The following ZNF655 variants were observed in gnomAD, a reference collection of about 807,000 sequenced individuals.
ZNF655 encodes zinc finger protein 655, also known as Vav-interacting Kruppel-like protein 1.
A neutral mutation model predicts 6.6 loss-of-function variants in ZNF655; 3 were observed. That is an observed-to-expected ratio of 0.46 (90% confidence interval 0.21 to 1.18). ZNF655 has a LOEUF of 1.18. ZNF655 is among the 50% of genes most tolerant of loss of function. The probability of loss-of-function intolerance (pLI) is 0.24; values close to 1 mark genes in which losing one functional copy is unlikely to be tolerated. For synonymous variants in ZNF655, 178 were observed against 195.0 expected (o/e 0.91, Z 0.73); for missense variants, 526 against 572.3 (o/e 0.92, Z 0.83).
At chr7:99,562,377 A>G (rs1803260434) in intron 2 of ZNF655, 8 of 1,614,120 alleles carry the variant, frequency 5.0e-6, no homozygotes, top group Non-Finnish European at 6.8e-6. Context: ...GGAGTTTGTG[A>G]CATTCGAGGA....
chr7:99,568,674 T>G (rs1696627650), intron 2 of ZNF655, among the ~76,000 whole-genome samples: 1 of 152,132 alleles, frequency 6.6e-6, no homozygotes, highest in Admixed American at 6.6e-5. Context: ...CCCAAGCAGG[T>G]CTCAAATTCC....
chr7:99,561,292 C>G (rs1352444648), intron 2 of ZNF655, among the ~76,000 whole-genome samples: 1 of 152,210 alleles, frequency 6.6e-6, no homozygotes, highest in African/African-American at 2.4e-5. Context: ...TTTATAAGAG[C>G]TGTGTCTTAG....
intron 2 of ZNF655, among the ~76,000 whole-genome samples, chr7:99,561,389 G>A (rs1038384464): frequency 1.3e-5 from 2 of 152,164 alleles, no homozygotes; most frequent in Non-Finnish European, 2.9e-5. Flanking sequence ...TGCTGTGGGG[G>A]ATTGTGGGAC....
Position 99,573,389 on chromosome 7 carries a change from C to A in ZNF655, c.1281C>A (p.His427Gln). The A allele has an allele frequency of 6.2e-7, 1 of 1,614,088 alleles. No homozygotes were observed. Among genetic ancestry groups the A allele is most frequent in the Non-Finnish European group, 8.5e-7 (1 of 1,180,004 alleles). The change falls in exon 3 of 3, where the codon CAC (histidine) becomes CAA (glutamine). Residue 427 changes from histidine to glutamine, a missense_variant. Coordinates refer to ENST00000252713, the MANE Select transcript of ZNF655 (RefSeq NM_138494.3). ...FSQTSCLIQH[H>Q]KMHRKEKSYE... ...AAACCTCATGCCTTATTCAGCATCA[C>A]AAAATGCATAGGAAAGAGAAATCGT...
At chr7:99,562,325 C>A (rs1475948234) in intron 2 of ZNF655, 2 of 1,610,368 alleles carry the variant, frequency 1.2e-6, no homozygotes, top group East Asian at 4.5e-5. Flanking sequence ...CATGGTGCTA[C>A]AGTGTTCTCA....
At position 99,560,623 on chromosome 7, in the gene ZNF655, A is replaced by T. The variant is rs753860954; in HGVS notation, c.64A>T (p.Thr22Ser). Reference protein sequence around the residue: ...SPRVQFQSLETQSECLSPEPQ... With the variant: ...SPRVQFQSLESQSECLSPEPQ... Reference sequence around the variant, plus strand: ...AAGGGTCCAGTTTCAGTCTTTGGAGACCCAGTCTGAGTGTCTGTCCCCAGA... The same window carrying T: ...AAGGGTCCAGTTTCAGTCTTTGGAGTCCCAGTCTGAGTGTCTGTCCCCAGA... Residue 22 changes from threonine (T) to serine (S), a missense_variant, in exon 2 of 3, where the codon ACC (threonine) becomes TCC (serine). Transcript: ENST00000252713. 3 of 1,614,050 alleles carry T rather than the reference A, an allele frequency of 1.9e-6. No individual in the cohort carries two copies. The highest frequency in any genetic ancestry group is 2.5e-6 in the Non-Finnish European group (3 of 1,180,014).
Position 99,574,440 on chromosome 7 carries a change from G to A in ZNF655, c.*856G>A, listed in dbSNP as rs968169265. 1 of 152,042 alleles carries A rather than the reference G, an allele frequency of 6.6e-6. No homozygotes were observed. The highest frequency in any genetic ancestry group is 1.5e-5 in the Non-Finnish European group (1 of 67,994). 9.4% of individuals were successfully genotyped at this position (152,042 alleles called of 1,614,324 possible). On this transcript the variant is annotated 3_prime_UTR_variant, in exon 3 of 3. Coordinates refer to ENST00000252713, the MANE Select transcript of ZNF655 (RefSeq NM_138494.3). ...TTAAAAAGAACAGAGATGGGGTCTT[G>A]CTTTGTTGCCCAGGCTGGTCTTGAA...
At chr7:99,564,184 C>G in intron 2 of ZNF655, 1 of 1,414,486 alleles carries the variant, frequency 7.1e-7, no homozygotes, top group Non-Finnish European at 9.2e-7. Context: ...TCTGTTGCAA[C>G]CAGATATGTT....
chr7:99,563,234 G>A (rs891154554), intron 2 of ZNF655: 7 of 442,408 alleles, frequency 1.6e-5, no homozygotes, highest in Non-Finnish European at 2.7e-5. Context: ...CTGCTGGGAA[G>A]CATCAGTGGG....
At chr7:99,560,795 A>G (rs1437128462) in intron 2 of ZNF655, 100 bp downstream of exon 2, 1 of 1,465,788 alleles carries the variant, frequency 6.8e-7, no homozygotes, top group Non-Finnish European at 9.3e-7. Context: ...GAACTGGAAT[A>G]AGAACATGGT....
At position 99,573,443 on chromosome 7, in the gene ZNF655, C is replaced by T. The variant is rs372713595; in HGVS notation, c.1335C>T (p.Phe445=). 3.1e-6 allele frequency: 5 copies of T among 1,613,950 alleles called. No homozygotes were observed. Among genetic ancestry groups the T allele is most frequent in the Non-Finnish European group, 4.2e-6 (5 of 1,180,022 alleles). ...SYECNEYEGS[F]SHSSDLILQQ... ...AATGTAATGAGTATGAGGGCAGTTTCAGTCATAGCTCAGATCTTATCCTGC... is the reference window on the plus strand; with the variant it reads ...AATGTAATGAGTATGAGGGCAGTTTTAGTCATAGCTCAGATCTTATCCTGC... Residue 445 remains phenylalanine (F), a synonymous_variant, in exon 3 of 3, where the codon TTC becomes TTT. Coordinates refer to ENST00000252713, the MANE Select transcript of ZNF655 (RefSeq NM_138494.3).
chr7:99,571,334 A>G, intron 2 of ZNF655: 1 of 1,285,506 alleles, frequency 7.8e-7, no homozygotes, highest in Non-Finnish European at 1.0e-6. Context: ...GATGACCTCC[A>G]TTTTGATACT....
At chr7:99,564,166 G>A in intron 2 of ZNF655, 2 of 1,452,260 alleles carry the variant, frequency 1.4e-6, no homozygotes, top group Non-Finnish European at 1.8e-6. Flanking sequence ...TAGGGTCCAA[G>A]GAAGCCCTCT....
At chr7:99,564,207 C>T in intron 2 of ZNF655, 18 of 1,365,548 alleles carry the variant, frequency 1.3e-5, no homozygotes, top group Non-Finnish European at 1.6e-5. Context: ...GAACCCAGTT[C>T]ATTCAGAAAC....
chr7:99,559,377 C>T (rs114069195), intron 1 of ZNF655, among the ~76,000 whole-genome samples: 316 of 151,662 alleles, frequency 2.1e-3, no homozygotes, highest in Non-Finnish European at 3.2e-3. Context: ...AGGGGGCCTG[C>T]TGTTTTATTT....
chr7:99,559,217 G>C (rs1802874903), intron 1 of ZNF655, among the ~76,000 whole-genome samples: 1 of 152,180 alleles, frequency 6.6e-6, no homozygotes, highest in Non-Finnish European at 1.5e-5. Context: ...TCGAACCGCA[G>C]CTCTTACCTG....
chr7:99,571,631 G>T, intron 2 of ZNF655: 1 of 1,305,402 alleles, frequency 7.7e-7, no homozygotes, highest in African/African-American at 1.5e-5. Context: ...AAGAAAAAGT[G>T]GCAGATGTAG....
intron 2 of ZNF655, chr7:99,564,782 C>T (rs1803493084): frequency 1.1e-6 from 1 of 883,302 alleles, no homozygotes; most frequent in Admixed American, 6.2e-5. Context: ...ATAGACTGAA[C>T]TTTATCCCAT....
chr7:99,564,128 C>A, intron 2 of ZNF655: 1 of 1,507,026 alleles, frequency 6.6e-7, no homozygotes. Context: ...CGCAGCTCCT[C>A]AAATTACCTC....
Sources: gnomAD v4.1 joint callset for allele counts (sites outside exome capture counted in the v4.1 genomes callset) on GRCh38, gnomAD v4.1.1 for gene constraint, MANE v1.5 for transcripts, NCBI Gene and HGNC (gene_info 2026-07-23, HGNC 2026-07-21) for gene names.